Variants in NDUFA5 observed in about 807,000 individuals in gnomAD.
The protein encoded by NDUFA5 is NADH:ubiquinone oxidoreductase subunit A5, also known as NADH dehydrogenase [ubiquinone] 1 alpha subcomplex subunit 5.
In NDUFA5, 11 loss-of-function variants were observed where a neutral mutation model predicts 19.8. The ratio of observed to expected loss-of-function variants is 0.56; its 90% CI spans 0.35 to 0.92. The LOEUF is 0.92. NDUFA5 is among the 40% of genes least tolerant of loss of function. The pLI is 0.01. For synonymous variants in NDUFA5, 47 were observed against 46.8 expected, an observed-to-expected ratio of 1.00 and a Z score of -0.01; for missense variants, 109 against 134.2, an observed-to-expected ratio of 0.81 and a Z score of 0.93.
the NDUFA5 span, among the ~76,000 whole-genome samples, chr7:123,578,108 G>T: frequency 6.8e-6 from 1 of 147,724 alleles, no homozygotes; most frequent in Non-Finnish European, 1.5e-5. Context: ...TGTTCTCATT[G>T]TTCAACTTAA....
At chr7:123,600,606 A>C in the NDUFA5 span, among the ~76,000 whole-genome samples, 1 of 152,250 alleles carries the variant, frequency 6.6e-6, no homozygotes, top group Non-Finnish European at 1.5e-5. Flanking sequence ...GATAAAATGT[A>C]GACAATGTAT....
chr7:123,552,459 G>A (rs567064306), intron 2 of NDUFA5, among the ~76,000 whole-genome samples: 5 of 151,868 alleles, frequency 3.3e-5, no homozygotes, highest in African/African-American at 4.8e-5. Context: ...ACACAGGGAG[G>A]GGAACATCAC....
the NDUFA5 span, among the ~76,000 whole-genome samples, chr7:123,575,050 G>A: frequency 7.1e-6 from 1 of 140,726 alleles, no homozygotes; most frequent in East Asian, 2.1e-4. Context: ...TAATATGACA[G>A]GTATGTTTCC....
the NDUFA5 span, among the ~76,000 whole-genome samples, chr7:123,593,158 T>C: frequency 6.6e-6 from 1 of 152,354 alleles, no homozygotes; most frequent in African/African-American, 2.4e-5. Context: ...TTTGAGCCTA[T>C]GTGTGTCTTT....
the NDUFA5 span, among the ~76,000 whole-genome samples, chr7:123,563,886 A>C: frequency 6.6e-6 from 1 of 152,330 alleles, no homozygotes; most frequent in South Asian, 2.1e-4. Context: ...CATCATGGGC[A>C]GTGTGAAGAA....
At position 123,542,030 on chromosome 7, in the gene NDUFA5, C is replaced by A; in HGVS notation, c.*89G>T. The stretch of plus-strand genomic sequence containing the variant: ...TTTTCTATATCACTTTTCTTGATTA[C>A]AAAATGTCAGTAATAAGAACACGCT... On this transcript the variant is annotated 3_prime_UTR_variant, in exon 5 of 5. Transcript: ENST00000355749. 1 of 884,256 alleles carries A rather than the reference C, an allele frequency of 1.1e-6. No individual in the cohort carries two copies. Among genetic ancestry groups the A allele is most frequent in the Non-Finnish European group, 1.7e-6 (1 of 602,566 alleles). The allele number at this position is 884,256 out of a possible 1,614,324, so 54.8% of individuals were successfully genotyped here. A position where few individuals can be genotyped will look rare whatever the true frequency, so the allele number is the denominator to read the frequency against.
At chr7:123,589,783 T>A in the NDUFA5 span, among the ~76,000 whole-genome samples, 1 of 152,178 alleles carries the variant, frequency 6.6e-6, no homozygotes, top group Non-Finnish European at 1.5e-5. Flanking sequence ...TAAACATATG[T>A]GTGCATGTGT....
At chr7:123,598,232 G>A in the NDUFA5 span, among the ~76,000 whole-genome samples, 11 of 152,060 alleles carry the variant, frequency 7.2e-5, no homozygotes, top group African/African-American at 2.4e-4. Flanking sequence ...TCCTGTATCT[G>A]TATAGGGATT....
the NDUFA5 span, among the ~76,000 whole-genome samples, chr7:123,573,649 A>T: frequency 0.22 from 33,955 of 151,878 alleles, 4,309 homozygotes; most frequent in East Asian, 0.26. Flanking sequence ...TTTCTTGAGG[A>T]GGGAGTCTGA....
At chr7:123,598,458 A>G in the NDUFA5 span, among the ~76,000 whole-genome samples, 1 of 152,194 alleles carries the variant, frequency 6.6e-6, no homozygotes, top group African/African-American at 2.4e-5. Context: ...ATACACTTGA[A>G]ATGCCTTTCA....
chr7:123,587,921 T>C, the NDUFA5 span, among the ~76,000 whole-genome samples: 2 of 151,852 alleles, frequency 1.3e-5, no homozygotes, highest in African/African-American at 4.8e-5. Flanking sequence ...TTTAATGCAC[T>C]GCTGAATTTG....
rs374799928 is a variant in NDUFA5, at chr7:123,557,404, C to T, written c.66G>A (p.Glu22=). 7.4e-6 allele frequency: 12 copies of T among 1,613,602 alleles called. No homozygotes were observed. The South Asian group carries it at 9.9e-5, about 13-fold the overall frequency. ...ACGAAGAAAGAACAAAGGTACATACCTCGTGAGGAGTATTGCACACAGCCA... is the reference window on the plus strand; with the variant it reads ...ACGAAGAAAGAACAAAGGTACATACTTCGTGAGGAGTATTGCACACAGCCA... ...VGLAVCNTPH[E]RLRILYTKIL... Residue 22 remains glutamate (E), a splice_region_variant and synonymous_variant, in exon 2 of 5, where the codon GAG becomes GAA. Coordinates refer to ENST00000355749, the MANE Select transcript of NDUFA5 (RefSeq NM_005000.5).
the NDUFA5 span, among the ~76,000 whole-genome samples, chr7:123,590,842 A>T: frequency 6.6e-6 from 1 of 152,182 alleles, no homozygotes; most frequent in African/African-American, 2.4e-5. Flanking sequence ...GAACAAAGGC[A>T]GTGGTAGCTT....
the NDUFA5 span, among the ~76,000 whole-genome samples, chr7:123,575,060 CT>C: frequency 3.4e-3 from 451 of 133,628 alleles, no homozygotes; most frequent in African/African-American, 8.9e-3. Context: ...GGTATGTTTC[CT>C]TTTTTTTTTT....
chr7:123,544,420 C>A (rs1200207468), intron 4 of NDUFA5, among the ~76,000 whole-genome samples: 2 of 150,628 alleles, frequency 1.3e-5, no homozygotes, highest in African/African-American at 4.9e-5. Context: ...ATTGCTTGAA[C>A]CCGGGAGGCG....
chr7:123,567,998 C>A, the NDUFA5 span, among the ~76,000 whole-genome samples: 1 of 151,906 alleles, frequency 6.6e-6, no homozygotes, highest in Non-Finnish European at 1.5e-5. Flanking sequence ...TAAAAAGTGT[C>A]CATACTCAAA....
upstream of NDUFA5, among the ~76,000 whole-genome samples, chr7:123,561,798 G>A (rs1448005992): frequency 4.6e-5 from 7 of 151,738 alleles, no homozygotes; most frequent in Admixed American, 2.6e-4. Flanking sequence ...GGGTTTCACC[G>A]TCTTGGCCGG....
the NDUFA5 span, among the ~76,000 whole-genome samples, chr7:123,589,513 C>T: frequency 6.6e-6 from 1 of 151,898 alleles, no homozygotes; most frequent in African/African-American, 2.4e-5. Context: ...ATGTTCCCTT[C>T]TCTCTGTCCC....
intron 2 of NDUFA5, chr7:123,554,852 C>T (rs1417251350): frequency 6.6e-6 from 1 of 151,952 alleles, no homozygotes; most frequent in Non-Finnish European, 1.5e-5. Flanking sequence ...TGATTAATTT[C>T]CACATTTTTT....
Sources: allele counts gnomAD v4.1 joint callset (sites outside exome capture counted in the v4.1 genomes callset), GRCh38; gene constraint gnomAD v4.1.1; transcripts MANE v1.5; gene names NCBI Gene and HGNC (gene_info 2026-07-23, HGNC 2026-07-21).